Variants in ZNF616 observed in about 807,000 individuals in gnomAD.
ZNF616 encodes zinc finger protein 616.
Under a neutral mutation model 7.6 loss-of-function variants are expected in ZNF616, and 5 were observed. That is an observed-to-expected ratio of 0.66 (90% CI 0.34 to 1.38). The LOEUF (loss-of-function observed/expected upper bound fraction) is 1.38, where lower values mean the gene tolerates loss of function less well. ZNF616 is among the 40% of genes most tolerant of loss of function. ZNF616 has a pLI of 0.04. For synonymous variants in ZNF616, 319 were observed against 317.2 expected (o/e 1.01, Z -0.06); for missense variants, 913 against 948.3 (o/e 0.96, Z 0.49).
intron 2 of ZNF616, among the ~76,000 whole-genome samples, chr19:52,124,939 C>T (rs751865045): frequency 2.0e-5 from 3 of 152,062 alleles, no homozygotes; most frequent in Non-Finnish European, 4.4e-5. Context: ...CAGTGAACTC[C>T]GTAGGATAAG....
At chr19:52,129,908 G>A (rs1321272646) in intron 2 of ZNF616, among the ~76,000 whole-genome samples, 2 of 151,654 alleles carry the variant, frequency 1.3e-5, no homozygotes, top group African/African-American at 2.4e-5. Context: ...TCAGCCTCCT[G>A]AGTAGCTGGG....
rs2089040496 is a variant in ZNF616, at chr19:52,139,518, G to A, written c.-77+214C>T. 6.6e-6 allele frequency among the ~76,000 whole-genome samples: 1 copy of A among 152,156 alleles called. No homozygotes were observed. On this transcript the variant is annotated intron_variant, in intron 1 of 3. Coordinates refer to ENST00000600228, the MANE Select transcript of ZNF616 (RefSeq NM_178523.5). The surrounding 1 kb of genome is among the most constrained non-coding windows in gnomAD (Gnocchi z 4.1). Reference sequence around the variant, plus strand: ...GGCGCTCCCCTCCAGGCGTCGACAAGGGCGAAGCTCGGGGGTCTCGACTGG... The same window carrying A: ...GGCGCTCCCCTCCAGGCGTCGACAAAGGCGAAGCTCGGGGGTCTCGACTGG...
At chr19:52,117,341 G>A (rs1004399259) in intron 3 of ZNF616, among the ~76,000 whole-genome samples, 1 of 152,090 alleles carries the variant, frequency 6.6e-6, no homozygotes, top group Non-Finnish European at 1.5e-5. Context: ...ATTACGAACC[G>A]ATTGGCAGAA....
chr19:52,115,110 C>T lies in ZNF616; in HGVS notation c.2054G>A (p.Gly685Glu). The T allele has an allele frequency of 6.2e-7, 1 of 1,614,094 alleles. No individual in the cohort carries two copies. The highest frequency in any genetic ancestry group is 1.1e-5 in the South Asian group (1 of 91,080). Residue 685 changes from glycine (G) to glutamate (E), a missense_variant, in exon 4 of 4, where the codon GGA becomes GAA. Gly to Glu is a moderately conservative substitution (Grantham distance 98, BLOSUM62 -2). Transcript: ENST00000600228. ...NLTAHQIIHA[G>E]KKPYKCDECG... ...TTCATCACATTTATATGGTTTCTTT[C>T]CTGCATGAATTATCTGATGTGCAGT... is the stretch of plus-strand genomic sequence containing the variant.
rs896069731 is a variant in ZNF616 at position 52,123,993 on chromosome 19, G to C, written c.69C>G (p.Cys23Trp). 1 of 1,613,794 alleles carries C rather than the reference G, an allele frequency of 6.2e-7. No individual in the cohort carries two copies. The change falls in exon 3 of 4, where the codon TGC becomes TGG. Residue 23 changes from cysteine to tryptophan, a missense_variant. Cys to Trp is a radical substitution (Grantham distance 215, BLOSUM62 -2). Coordinates refer to ENST00000600228, the MANE Select transcript of ZNF616 (RefSeq NM_178523.5). ...AIEFSQEEWK[C>W]LEPVQKALYK... ...ACAAAGCTTTCTGCACAGGCTCCAG[G>C]CATTTCCACTCCTCCTGAGAGAATT...
rs139052987 is a variant in ZNF616, at chr19:52,129,325, G to A, written c.12+1176C>T. Among the ~76,000 whole-genome samples, 453 of 151,924 alleles carry A rather than the reference G, an allele frequency of 3.0e-3. 1 individual carries two copies. Among genetic ancestry groups the A allele is most frequent in the Middle Eastern group, 0.017 (5 of 294 alleles). ...AACAAAATTATTTCCTATCATCCTC[G>A]TGTTGTATTAACTTCTTAATGCCTA... is the stretch of plus-strand genomic sequence containing the variant. On this transcript the variant is annotated intron_variant, in intron 2 of 3. Coordinates refer to ENST00000600228, the MANE Select transcript of ZNF616 (RefSeq NM_178523.5).
Position 52,116,474 on chromosome 19 carries a change from T to A in ZNF616, c.690A>T (p.Val230=), listed in dbSNP as rs201286728. 1.9e-6 allele frequency: 3 copies of A among 1,614,128 alleles called. No individual in the cohort carries two copies. The highest frequency in any genetic ancestry group is 2.5e-6 in the Non-Finnish European group (3 of 1,180,014). The change falls in exon 4 of 4, where the codon GTA becomes GTT. Residue 230 remains valine, a synonymous_variant. Transcript: ENST00000600228. The part of the protein sequence containing the change: ...KAFHRASLLT[V]HKVVHTRGKS... ...TCCCTCTTGTATGGACTACCTTGTG[T>A]ACAGTTAGTAGTGAGGCCCGATGAA...
At chr19:52,120,450 G>C (rs1437903380) in intron 3 of ZNF616, among the ~76,000 whole-genome samples, 1 of 152,152 alleles carries the variant, frequency 6.6e-6, no homozygotes, top group Non-Finnish European at 1.5e-5. Context: ...AACAGCAAGA[G>C]TGAGTCCTTC....
intron 1 of ZNF616, among the ~76,000 whole-genome samples, chr19:52,131,739 CA>C (rs1398608921): frequency 1.3e-5 from 2 of 152,132 alleles, no homozygotes; most frequent in Admixed American, 6.5e-5. Flanking sequence ...TTTGGGTTGC[CA>C]TTTTCCCCAG....
rs370503257 is a variant in ZNF616 at position 52,115,095 on chromosome 19, T to G, written c.2069A>C (p.Lys690Thr). 1.8e-5 allele frequency: 29 copies of G among 1,613,978 alleles called. No individual in the cohort carries two copies. Among genetic ancestry groups the G allele is most frequent in the Non-Finnish European group, 2.3e-5 (27 of 1,180,018 alleles). Reference sequence around the variant, plus strand: ...GAATACCTTGCCACATTCATCACATTTATATGGTTTCTTTCCTGCATGAAT... The same window carrying G: ...GAATACCTTGCCACATTCATCACATGTATATGGTTTCTTTCCTGCATGAAT... ...QIIHAGKKPY[K>T]CDECGKVFRH... Residue 690 changes from lysine (K) to threonine (T), a missense_variant, in exon 4 of 4, where the codon AAA (lysine) becomes ACA (threonine). Lys to Thr is a moderately conservative substitution (Grantham distance 78). Coordinates refer to ENST00000600228, the MANE Select transcript of ZNF616 (RefSeq NM_178523.5).
chr19:52,132,072 A>C (rs1001423502), intron 1 of ZNF616, among the ~76,000 whole-genome samples: 5 of 152,212 alleles, frequency 3.3e-5, no homozygotes, highest in Non-Finnish European at 7.3e-5. Flanking sequence ...CACAGCTCAC[A>C]GCACTTTTAG....
Position 52,125,864 on chromosome 19 carries a change from G to C in ZNF616, c.13-1815C>G, listed in dbSNP as rs1023635303. ...ACCGGTGTCTGCAATAACACAGAAA[G>C]ACATGAGGGTGAAGATCTAGTACCA... On this transcript the variant is annotated intron_variant, in intron 2 of 3. Coordinates refer to ENST00000600228, the MANE Select transcript of ZNF616 (RefSeq NM_178523.5). Among the ~76,000 whole-genome samples the C allele has an allele frequency of 5.9e-5, 9 of 152,286 alleles. 1 individual carries two copies. Among genetic ancestry groups the C allele is most frequent in the South Asian group, 2.1e-4 (1 of 4,828 alleles).
At chr19:52,126,983 T>G (rs1163289179) in intron 2 of ZNF616, among the ~76,000 whole-genome samples, 3 of 151,822 alleles carry the variant, frequency 2.0e-5, no homozygotes, top group Non-Finnish European at 2.9e-5. Context: ...CGATTCTTTT[T>G]GGAAGACATG....
intron 3 of ZNF616, 36 bp downstream of exon 3, chr19:52,123,887 G>A (rs1243851812): frequency 1.2e-6 from 2 of 1,612,792 alleles, no homozygotes; most frequent in East Asian, 4.5e-5. Flanking sequence ...AATGCACAAG[G>A]GCGAATCTGA....
Position 52,116,475 on chromosome 19 carries a change from AC to A in ZNF616, c.688del (p.Val230TyrfsTer4). On this transcript the variant is annotated frameshift_variant, in exon 4 of 4. Transcript: ENST00000600228. LOFTEE classifies it low-confidence loss of function (END_TRUNC). ...CCCTCTTGTATGGACTACCTTGTGT[AC>A]AGTTAGTAGTGAGGCCCGATGAAAG... Reference protein sequence around the residue: ...KAFHRASLLTVHKVVHTRGKS... With the variant: ...KAFHRASLLTXHKVVHTRGKS... The A allele has an allele frequency of 6.2e-7, 1 of 1,614,112 alleles. No individual in the cohort carries two copies. The highest frequency in any genetic ancestry group is 8.5e-7 in the Non-Finnish European group (1 of 1,180,000).
In ZNF616 at chr19:52,130,584, C is replaced by T. The variant is rs1175249329; in HGVS notation, c.-72G>A. ...TCAGTCAATGTAATTATTCACACAT[C>T]AAACCTGAAAGTTAAAAAATCTGTT... On this transcript the variant is annotated 5_prime_UTR_variant, in exon 2 of 4. Transcript: ENST00000600228. 6 of 1,564,250 alleles carry T rather than the reference C, an allele frequency of 3.8e-6. No individual in the cohort carries two copies. Among genetic ancestry groups the T allele is most frequent in the Non-Finnish European group, 5.2e-6 (6 of 1,159,182 alleles).
rs541877089 is a variant in ZNF616, at chr19:52,134,038, T to G, written c.-76-3450A>C. On this transcript the variant is annotated intron_variant, in intron 1 of 3. Transcript: ENST00000600228. ...ATCGCCTCCAGCTCCACCCATGTCCTGGCCAAGCGCATTATTTTGTTCATT... is the reference window on the plus strand; with the variant it reads ...ATCGCCTCCAGCTCCACCCATGTCCGGGCCAAGCGCATTATTTTGTTCATT... Among the ~76,000 whole-genome samples the G allele has an allele frequency of 1.6e-4, 25 of 152,274 alleles. 1 individual carries two copies. Among genetic ancestry groups the G allele is most frequent in the Middle Eastern group, 3.4e-3 (1 of 294 alleles).
intron 1 of ZNF616, among the ~76,000 whole-genome samples, chr19:52,137,072 T>TATATATATAC: frequency 6.7e-6 from 1 of 148,214 alleles, no homozygotes; most frequent in East Asian, 2.0e-4. Flanking sequence ...TATATATATA[T>TATATATATAC]ATACAGAGTG....
rs542480153 is a variant in ZNF616 at position 52,115,165 on chromosome 19, C to T, written c.1999G>A (p.Gly667Ser). Residue 667 changes from glycine (G) to serine (S), a missense_variant, in exon 4 of 4, where the codon GGC becomes AGC. Physicochemically the swap from Gly to Ser is moderately conservative, Grantham distance 56 (BLOSUM62 0). Coordinates refer to ENST00000600228, the MANE Select transcript of ZNF616 (RefSeq NM_178523.5). ...GDRPYKCNECGKTFKRSSNLT... is the reference protein window; with the variant it reads ...GDRPYKCNECSKTFKRSSNLT... ...TTTGAGCTCCGTTTAAAGGTTTTGC[C>T]ACACTCATTACATTTGTAAGGTCTG... The T allele has an allele frequency of 1.9e-5, 31 of 1,614,080 alleles. No individual in the cohort carries two copies. In the African/African-American group the frequency reaches 2.9e-4, roughly 15 times the overall value.
Sources: allele counts gnomAD v4.1 joint callset (sites outside exome capture counted in the v4.1 genomes callset), GRCh38; gene constraint gnomAD v4.1.1; non-coding constraint Gnocchi (gnomAD v3.1); transcripts MANE v1.5; gene names NCBI Gene and HGNC (gene_info 2026-07-23, HGNC 2026-07-21).